Variants in GRM5 observed in about 807,000 individuals in gnomAD.
GRM5 encodes metabotropic glutamate receptor 5.
Under a neutral mutation model 83.1 loss-of-function variants are expected in GRM5, and 19 were observed. That is an observed-to-expected ratio of 0.23 (90% CI 0.16 to 0.34). GRM5 has a LOEUF of 0.34. Ranked by LOEUF, GRM5 falls within the 10% of genes least tolerant of loss-of-function variation. The pLI, the probability that GRM5 is intolerant of heterozygous loss-of-function variation, is 1.00. For synonymous variants in GRM5, 675 were observed against 633.6 expected (o/e 1.07, Z -0.98); for missense variants, 1,160 against 1,588.3 (o/e 0.73, Z 4.58).
intron 3 of GRM5, among the ~76,000 whole-genome samples, chr11:88,731,924 C>T (rs1941816515): frequency 6.6e-6 from 1 of 151,970 alleles, no homozygotes; most frequent in Non-Finnish European, 1.5e-5. Context: ...CTGAGCTGAC[C>T]TAAGACCATT....
chr11:89,052,103 A>C (rs932965628), intron 1 of GRM5, among the ~76,000 whole-genome samples: 1 of 152,220 alleles, frequency 6.6e-6, no homozygotes, highest in Non-Finnish European at 1.5e-5. Flanking sequence ...CGTGAGGGGC[A>C]GAAGAAAATT....
chr11:88,681,229 A>T (rs1193760541), intron 3 of GRM5, among the ~76,000 whole-genome samples: 1 of 151,980 alleles, frequency 6.6e-6, no homozygotes, highest in African/African-American at 2.4e-5. Flanking sequence ...TCCCCTCCTG[A>T]GTTATATTTC....
intron 3 of GRM5, among the ~76,000 whole-genome samples, chr11:88,828,866 A>G (rs534424735): frequency 6.6e-6 from 1 of 152,058 alleles, no homozygotes; most frequent in African/African-American, 2.4e-5. Flanking sequence ...ACGAAATTAC[A>G]AAGGGTGGTA....
At chr11:88,654,063 T>A (rs1939706267) in intron 3 of GRM5, among the ~76,000 whole-genome samples, 1 of 152,094 alleles carries the variant, frequency 6.6e-6, no homozygotes, top group South Asian at 2.1e-4. Context: ...GAAATCACAT[T>A]TTATATTAGA....
intron 4 of GRM5, among the ~76,000 whole-genome samples, chr11:88,646,919 G>A (rs1939474101): frequency 1.5e-5 from 2 of 129,368 alleles, no homozygotes; most frequent in African/African-American, 2.5e-5. Flanking sequence ...CCACAAATTG[G>A]TTGGCTTAAC....
intron 2 of GRM5, among the ~76,000 whole-genome samples, chr11:88,971,098 T>C (rs1442610877): frequency 6.6e-6 from 1 of 151,410 alleles, no homozygotes; most frequent in African/African-American, 2.5e-5. Flanking sequence ...AACATATTTC[T>C]CATTGTTGAA....
At chr11:88,662,893 G>A (rs950044988) in intron 3 of GRM5, among the ~76,000 whole-genome samples, 9 of 152,136 alleles carry the variant, frequency 5.9e-5, no homozygotes, top group Non-Finnish European at 1.2e-4. Context: ...CTTCCAGAAA[G>A]CCTCCAAAAA....
intron 3 of GRM5, among the ~76,000 whole-genome samples, chr11:88,774,873 T>C (rs370461868): frequency 6.6e-6 from 1 of 152,178 alleles, no homozygotes; most frequent in Non-Finnish European, 1.5e-5. Context: ...ATTTTTGCAT[T>C]GATGTTCATC....
At chr11:88,939,897 A>G (rs1282576479) in intron 2 of GRM5, among the ~76,000 whole-genome samples, 1 of 151,874 alleles carries the variant, frequency 6.6e-6, no homozygotes, top group Non-Finnish European at 1.5e-5. Flanking sequence ...GAAGCAGCAG[A>G]CCATGTGCAA....
intron 3 of GRM5, among the ~76,000 whole-genome samples, chr11:88,763,281 C>T (rs1429111970): frequency 9.9e-5 from 15 of 151,654 alleles, no homozygotes; most frequent in Non-Finnish European, 2.1e-4. Flanking sequence ...TTGAGGGAGT[C>T]TGTAGGGTTA....
In GRM5 at chr11:88,690,345, G is replaced by A. The variant is rs571652771; in HGVS notation, c.912-36942C>T. On this transcript the variant is annotated intron_variant, in intron 3 of 9. Coordinates refer to ENST00000305447, the MANE Select transcript of GRM5 (RefSeq NM_001143831.3). ...GAACAGAAATCCATTTGCTTTTTGG[G>A]AGAAAAGAAACTCCATCATTATGGG... 2.0e-5 allele frequency among the ~76,000 whole-genome samples: 3 copies of A among 151,958 alleles called. No homozygotes were observed. In the South Asian group the frequency reaches 6.2e-4, roughly 32 times the overall value.
At chr11:89,032,286 T>C (rs1317827241) in intron 2 of GRM5, among the ~76,000 whole-genome samples, 1 of 152,114 alleles carries the variant, frequency 6.6e-6, no homozygotes, top group East Asian at 1.9e-4. Context: ...TCTAGATCTA[T>C]GTCCTTAAAC....
At chr11:89,046,608 T>C (rs7931721) in intron 2 of GRM5, among the ~76,000 whole-genome samples, 36,530 of 152,172 alleles carry the variant, frequency 0.24, 5,158 homozygotes, top group Non-Finnish European at 0.33. Context: ...AAAACAAACA[T>C]GTTGAATTAT....
chr11:88,851,065 G>T (rs1307363279), intron 2 of GRM5, among the ~76,000 whole-genome samples: 1 of 152,108 alleles, frequency 6.6e-6, no homozygotes, highest in East Asian at 1.9e-4. Flanking sequence ...GTGGAGGGCT[G>T]AACTCATTCA....
chr11:88,656,130 C>CCATATTCTTGTACT (rs1282432242), intron 3 of GRM5, among the ~76,000 whole-genome samples: 7 of 1,510 alleles, frequency 4.6e-3, no homozygotes, highest in Non-Finnish European at 7.6e-3. Flanking sequence ...AGTGGACCTT[C>CCATATTCTTGTACT]AATTTAATTT....
intron 3 of GRM5, among the ~76,000 whole-genome samples, chr11:88,814,036 A>G (rs368402463): frequency 3.3e-5 from 5 of 152,210 alleles, no homozygotes; most frequent in East Asian, 1.9e-4. Context: ...AATGATTCCA[A>G]AATTAATACT....
intron 1 of GRM5, among the ~76,000 whole-genome samples, chr11:89,056,743 CATTT>C (rs2135165668): frequency 6.6e-6 from 1 of 152,122 alleles, no homozygotes. Context: ...AATATGGTGA[CATTT>C]AATTCACTAA....
intron 2 of GRM5, among the ~76,000 whole-genome samples, chr11:88,990,227 C>A (rs990951806): frequency 1.5e-4 from 23 of 151,728 alleles, no homozygotes; most frequent in Non-Finnish European, 3.1e-4. Flanking sequence ...GAGAATACTA[C>A]AAACACCTCT....
chr11:88,709,808 G>T (rs927800096), intron 3 of GRM5, among the ~76,000 whole-genome samples: 5 of 152,110 alleles, frequency 3.3e-5, no homozygotes, highest in Admixed American at 2.0e-4. Flanking sequence ...CATTATATCT[G>T]AGTGTCTGAA....
Sources: allele counts gnomAD v4.1 joint callset (sites outside exome capture counted in the v4.1 genomes callset), GRCh38; gene constraint gnomAD v4.1.1; transcripts MANE v1.5; gene names NCBI Gene and HGNC (gene_info 2026-07-23, HGNC 2026-07-21).